Variants in ABCA1 observed in about 807,000 individuals in gnomAD.
ABCA1 encodes the protein ATP binding cassette subfamily A member 1.
In ABCA1, 133 loss-of-function variants were observed where a neutral mutation model predicts 262.5. The observed-to-expected ratio is 0.51, with a 90% CI of 0.44 to 0.59. ABCA1 has a LOEUF of 0.59. Among genes scored for constraint, ABCA1 ranks in the 20% least tolerant of loss-of-function variants. ABCA1 has a pLI of 0.00. For synonymous variants in ABCA1, 1,022 were observed against 1,043.5 expected, an observed-to-expected ratio of 0.98 and a Z score of 0.40; for missense variants, 2,452 against 2,777.5, an observed-to-expected ratio of 0.88 and a Z score of 2.63.
In ABCA1 at chr9:104,884,439, A is replaced by C. The variant is rs768439631; in HGVS notation, c.290T>G (p.Phe97Cys). 6.2e-7 allele frequency: 1 copy of C among 1,614,248 alleles called. No individual in the cohort carries two copies. Among genetic ancestry groups the C allele is most frequent in the Non-Finnish European group, 8.5e-7 (1 of 1,180,032 alleles). The change falls in exon 4 of 50, where the codon TTT (phenylalanine) becomes TGT (cysteine). Residue 97 changes from phenylalanine to cysteine, a missense_variant. Phe to Cys is a radical substitution (Grantham distance 205). Around this residue, in one of 4 missense-constraint regions of ABCA1, gnomAD observed 1,032 missense variants for 1,089.7 expected, o/e 0.95. Transcript: ENST00000374736. ...PGEAPGVVGN[F>C]NKSIVARLFS... Reference sequence around the variant, plus strand: ...ATCTGATACTTACATGGATTTGTTAAAGTTTCCAACAACTCCGGGAGCCTC... The same window carrying C: ...ATCTGATACTTACATGGATTTGTTACAGTTTCCAACAACTCCGGGAGCCTC...
At chr9:104,840,778 C>G (rs1194355220) in intron 8 of ABCA1, among the ~76,000 whole-genome samples, 1 of 152,186 alleles carries the variant, frequency 6.6e-6, no homozygotes, top group Non-Finnish European at 1.5e-5. Context: ...TGAGACCCCT[C>G]TGCCGACCTG....
chr9:104,855,714 A>C, intron 7 of ABCA1: 2 of 1,540,412 alleles, frequency 1.3e-6, no homozygotes, highest in Non-Finnish European at 1.8e-6. Flanking sequence ...GGGACTAAAT[A>C]ATTTATCCGA....
chr9:104,824,557 G>C lies in ABCA1; in HGVS notation c.2564C>G (p.Pro855Arg). The change falls in exon 18 of 50, where the codon CCC (proline) becomes CGC (arginine). Residue 855 changes from proline to arginine, a missense_variant. By Grantham distance (103) the Pro-to-Arg change is moderately radical. This residue lies in a region of ABCA1 where 1,032 missense variants were observed against 1,089.7 expected (regional missense o/e 0.95). Coordinates refer to ENST00000374736, the MANE Select transcript of ABCA1 (RefSeq NM_005502.4). Reference protein sequence around the residue: ...VFPGQYGIPRPWYFPCTKSYW... With the variant: ...VFPGQYGIPRRWYFPCTKSYW... ...GGACTTGGTGCAAGGAAAATACCAGGGCCTGGGAATTCCGTACTGGCCTGA... is the reference window on the plus strand; with the variant it reads ...GGACTTGGTGCAAGGAAAATACCAGCGCCTGGGAATTCCGTACTGGCCTGA... 1 of 1,613,836 alleles carries C rather than the reference G, an allele frequency of 6.2e-7. No individual in the cohort carries two copies. Among genetic ancestry groups the C allele is most frequent in the Non-Finnish European group, 8.5e-7 (1 of 1,180,008 alleles).
Position 104,798,438 on chromosome 9 carries a change from TAGAG to T in ABCA1, c.5100_5103del (p.Ser1701IlefsTer37), listed in dbSNP as rs1830078155. 6.2e-7 allele frequency: 1 copy of T among 1,614,030 alleles called. No individual in the cohort carries two copies. The highest frequency in any genetic ancestry group is 1.3e-5 in the African/African-American group (1 of 74,922). On this transcript the variant is annotated frameshift_variant, in exon 37 of 50. Coordinates refer to ENST00000374736, the MANE Select transcript of ABCA1 (RefSeq NM_005502.4). LOFTEE classifies it high-confidence loss of function. ...GTCCTTACCATATCCCAGACAAAAT[TAGAG>T]AGCCAGTAGATGACAGGCTTCACTC...
chr9:104,831,690 G>C lies in ABCA1; in HGVS notation c.1647C>G (p.Pro549=). 1 of 1,614,034 alleles carries C rather than the reference G, an allele frequency of 6.2e-7. No homozygotes were observed. Among genetic ancestry groups the C allele is most frequent in the Non-Finnish European group, 8.5e-7 (1 of 1,179,956 alleles). The change falls in exon 13 of 50, where the codon CCC becomes CCG. Residue 549 remains proline (P), a synonymous_variant. Transcript: ENST00000374736. ...TGITPGSIEL[P]HHVKYKIRMD... The stretch of plus-strand genomic sequence containing the variant: ...TTCGGATCTTGTACTTGACATGATG[G>C]GGCAGCTCAATGCTGCCTGGAGTAA...
chr9:104,840,199 G>C, intron 9 of ABCA1, 80 bp downstream of exon 9: 2 of 1,610,322 alleles, frequency 1.2e-6, no homozygotes, highest in African/African-American at 1.3e-5. Context: ...GCTACAGAGG[G>C]AGGAGATGAC....
In ABCA1 at chr9:104,831,678, C is replaced by T. The variant is rs780432179; in HGVS notation, c.1659G>A (p.Lys553=). 6.2e-7 allele frequency: 1 copy of T among 1,614,186 alleles called. No homozygotes were observed. Among genetic ancestry groups the T allele is most frequent in the Non-Finnish European group, 8.5e-7 (1 of 1,180,038 alleles). Residue 553 remains lysine, a synonymous_variant, in exon 13 of 50, where the codon AAG becomes AAA. Transcript: ENST00000374736. ...PGSIELPHHV[K]YKIRMDIDNV... ...TGTCAATGTCCATTCGGATCTTGTA[C>T]TTGACATGATGGGGCAGCTCAATGC...
intron 5 of ABCA1, among the ~76,000 whole-genome samples, chr9:104,871,401 T>C (rs1007821761): frequency 1.4e-4 from 22 of 152,186 alleles, no homozygotes; most frequent in Non-Finnish European, 1.5e-5. Flanking sequence ...GAGAAGTTAC[T>C]GGAAGTCCCT....
intron 1 of ABCA1, among the ~76,000 whole-genome samples, chr9:104,909,477 T>C (rs1374501493): frequency 1.3e-5 from 2 of 151,828 alleles, no homozygotes; most frequent in African/African-American, 2.4e-5. Flanking sequence ...ACTGAGAGAG[T>C]GGACCATATG....
intron 7 of ABCA1, among the ~76,000 whole-genome samples, chr9:104,851,840 T>C (rs1367905739): frequency 1.3e-5 from 2 of 152,198 alleles, no homozygotes; most frequent in African/African-American, 4.8e-5. Context: ...TGTTAATCCA[T>C]TATCACTACA....
intron 2 of ABCA1, among the ~76,000 whole-genome samples, chr9:104,893,364 G>A (rs996136005): frequency 1.4e-4 from 19 of 140,652 alleles, no homozygotes; most frequent in Non-Finnish European, 2.1e-4. Flanking sequence ...AGAGGTTGGG[G>A]TGAGCCAAGA....
intron 7 of ABCA1, among the ~76,000 whole-genome samples, chr9:104,857,088 T>C (rs950786379): frequency 2.0e-5 from 3 of 152,138 alleles, no homozygotes; most frequent in Admixed American, 2.0e-4. Flanking sequence ...GCAGATCACT[T>C]GAGCTCAGGA....
At chr9:104,850,877 C>T (rs967638653) in intron 7 of ABCA1, among the ~76,000 whole-genome samples, 16 of 151,822 alleles carry the variant, frequency 1.1e-4, no homozygotes, top group African/African-American at 3.4e-4. Flanking sequence ...CTTTCTTATA[C>T]GAAGTAAAGG....
intron 2 of ABCA1, among the ~76,000 whole-genome samples, chr9:104,901,470 T>A (rs944553699): frequency 6.6e-5 from 10 of 152,036 alleles, no homozygotes; most frequent in Non-Finnish European, 1.2e-4. Context: ...ACAACATGGA[T>A]AAACCATGGC....
At chr9:104,867,280 T>C (rs1001827457) in intron 5 of ABCA1, among the ~76,000 whole-genome samples, 4 of 152,132 alleles carry the variant, frequency 2.6e-5, no homozygotes, top group African/African-American at 7.2e-5. Flanking sequence ...GAGATGACAA[T>C]GGCATCCACC....
intron 11 of ABCA1, among the ~76,000 whole-genome samples, chr9:104,834,877 C>A (rs1040397117): frequency 6.6e-6 from 1 of 152,158 alleles, no homozygotes; most frequent in African/African-American, 2.4e-5. Flanking sequence ...AAGCCTCAGC[C>A]ATCACCTCGT....
rs142109271 is a variant in ABCA1 at position 104,887,242 on chromosome 9, C to T, written c.160+1860G>A. ...GTAGTGAGCGGAGATTGCACTACTGCACTCCAGTCTGGGCAACAGAGCAAG... is the reference window on the plus strand; with the variant it reads ...GTAGTGAGCGGAGATTGCACTACTGTACTCCAGTCTGGGCAACAGAGCAAG... On this transcript the variant is annotated intron_variant, in intron 3 of 49. Coordinates refer to ENST00000374736, the MANE Select transcript of ABCA1 (RefSeq NM_005502.4). Among the ~76,000 whole-genome samples the T allele has an allele frequency of 1.1e-3, 174 of 152,292 alleles. 1 individual carries two copies. Among genetic ancestry groups the T allele is most frequent in the African/African-American group, 3.9e-3 (164 of 41,542 alleles).
intron 7 of ABCA1, among the ~76,000 whole-genome samples, chr9:104,857,726 G>A (rs1835968101): frequency 6.6e-6 from 1 of 152,122 alleles, no homozygotes; most frequent in Admixed American, 6.6e-5. Flanking sequence ...ATTATAATAA[G>A]GAACATCTCT....
At chr9:104,920,912 C>T (rs1184579010) in intron 1 of ABCA1, among the ~76,000 whole-genome samples, 1 of 152,118 alleles carries the variant, frequency 6.6e-6, no homozygotes, top group African/African-American at 2.4e-5. Context: ...ACACAAATAC[C>T]TATTTTACAG....
Sources: allele counts gnomAD v4.1 joint callset (sites outside exome capture counted in the v4.1 genomes callset), GRCh38; gene constraint gnomAD v4.1.1; regional missense constraint gnomAD v4.1.1; transcripts MANE v1.5; gene names NCBI Gene and HGNC (gene_info 2026-07-23, HGNC 2026-07-21).